Variants in IL12RB1 observed in about 807,000 individuals in gnomAD.
The protein encoded by IL12RB1 is interleukin-12 receptor subunit beta-1.
In IL12RB1, 64 loss-of-function variants were observed where a neutral mutation model predicts 94.4. The ratio of observed to expected loss-of-function variants is 0.68; its 90% CI spans 0.55 to 0.83. The LOEUF (loss-of-function observed/expected upper bound fraction) is 0.83. IL12RB1 is among the 40% of genes least tolerant of loss of function. The probability of loss-of-function intolerance (pLI) is 0.00; values close to 1 mark genes in which losing one functional copy is unlikely to be tolerated. For synonymous variants in IL12RB1, 362 were observed against 355.5 expected (o/e 1.02, Z -0.21); for missense variants, 814 against 855.6 (o/e 0.95, Z 0.61).
chr19:18,062,111 G>A lies in IL12RB1; in HGVS notation c.1715+70C>T, dbSNP rs1009397258. The stretch of plus-strand genomic sequence containing the variant: ...GCCAAGGACCCAATCTGCGGGCTAA[G>A]CTCCACTTTAGGGCTCCCCTGCCCA... On this transcript the variant is annotated intron_variant, in intron 14 of 16. Transcript: ENST00000593993. The A allele has an allele frequency of 2.9e-6, 3 of 1,052,442 alleles. No homozygotes were observed. In the Admixed American group the frequency reaches 5.4e-5, roughly 19 times the overall value. The allele number at this position is 1,052,442 out of a possible 1,614,324, so 65.2% of individuals were successfully genotyped here.
At chr19:18,083,826 T>C (rs1271396356) in intron 1 of IL12RB1, among the ~76,000 whole-genome samples, 2 of 143,710 alleles carry the variant, frequency 1.4e-5, no homozygotes, top group Non-Finnish European at 3.0e-5. Context: ...CATCTACCCA[T>C]CCATCCATCC....
At chr19:18,072,805 G>A (rs192716070) in intron 8 of IL12RB1, among the ~76,000 whole-genome samples, 257 of 151,982 alleles carry the variant, frequency 1.7e-3, no homozygotes, top group African/African-American at 5.9e-3. Flanking sequence ...AAATTAGCCC[G>A]GCATGGTGGT....
rs146221147 is a variant in IL12RB1 at position 18,096,169 on chromosome 19, G to A, written c.-230+2586C>T. ...AGGCAGGAAGATCGCTTGAGCCCGGGAGGTAGAGGCTGCAATGAGACAAGA... is the reference window on the plus strand; with the variant it reads ...AGGCAGGAAGATCGCTTGAGCCCGGAAGGTAGAGGCTGCAATGAGACAAGA... On this transcript the variant is annotated intron_variant, in intron 1 of 4. Transcript: ENST00000594176. Among the ~76,000 whole-genome samples, 480 of 152,210 alleles carry A rather than the reference G, an allele frequency of 3.2e-3. 4 individuals carry two copies. The highest frequency in any genetic ancestry group is 0.018 in the South Asian group (85 of 4,820).
At chr19:18,079,468 C>T (rs1432645173) in intron 4 of IL12RB1, among the ~76,000 whole-genome samples, 1 of 152,028 alleles carries the variant, frequency 6.6e-6, no homozygotes, top group Non-Finnish European at 1.5e-5. Context: ...CTCTACTGTA[C>T]CTTGGAACTC....
intron 9 of IL12RB1, among the ~76,000 whole-genome samples, chr19:18,070,341 T>C (rs1236470677): frequency 2.0e-5 from 3 of 152,246 alleles, no homozygotes; most frequent in Non-Finnish European, 4.4e-5. Context: ...TGTAGGCGTC[T>C]CCGGCTGTGG....
chr19:18,072,796 A>C (rs1305731065), intron 8 of IL12RB1, among the ~76,000 whole-genome samples: 1 of 151,784 alleles, frequency 6.6e-6, no homozygotes, highest in Non-Finnish European at 1.5e-5. Flanking sequence ...AAATACAAAA[A>C]ATTAGCCCGG....
chr19:18,072,301 T>C lies in IL12RB1; in HGVS notation c.832A>G (p.Thr278Ala), dbSNP rs761302373. 26 of 1,613,942 alleles carry C rather than the reference T, an allele frequency of 1.6e-5. No individual in the cohort carries two copies. Among genetic ancestry groups the C allele is most frequent in the Non-Finnish European group, 1.9e-5 (23 of 1,179,990 alleles). ...PEGCQGLAPGTEVTYRLQLHM... is the reference protein window; with the variant it reads ...PEGCQGLAPGAEVTYRLQLHM... The stretch of plus-strand genomic sequence containing the variant: ...AGCTGTAGTCGGTAAGTGACCTCCG[T>C]GCCAGGCGCCAGCCCTTGACAGCCT... Residue 278 changes from threonine (T) to alanine (A), a missense_variant, in exon 9 of 17, where the codon ACG (threonine) becomes GCG (alanine). Physicochemically the swap from Thr to Ala is moderately conservative, Grantham distance 58 (BLOSUM62 0). Coordinates refer to ENST00000593993, the MANE Select transcript of IL12RB1 (RefSeq NM_005535.3).
chr19:18,076,095 C>T (rs1315562565), intron 6 of IL12RB1, among the ~76,000 whole-genome samples: 2 of 152,092 alleles, frequency 1.3e-5, no homozygotes, highest in African/African-American at 4.8e-5. Context: ...TCCCTTCGGT[C>T]GTGACCTTGG....
chr19:18,068,539 G>A lies in IL12RB1; in HGVS notation c.1190-13C>T, dbSNP rs371881148. 229 of 1,610,130 alleles carry A rather than the reference G, an allele frequency of 1.4e-4. 1 individual carries two copies. In the Middle Eastern group the frequency reaches 3.0e-3, roughly 21 times the overall value. Reference sequence around the variant, plus strand: ...CAGCTGTAGGTTGCTGGAAGGATAAGCAAAGGCCAGGCCATTCAGTAGATT... The same window carrying A: ...CAGCTGTAGGTTGCTGGAAGGATAAACAAAGGCCAGGCCATTCAGTAGATT... On this transcript the variant is annotated splice_polypyrimidine_tract_variant and intron_variant, in intron 10 of 16. Coordinates refer to ENST00000593993, the MANE Select transcript of IL12RB1 (RefSeq NM_005535.3).
At chr19:18,065,243 C>T (rs1301615751) in intron 12 of IL12RB1, among the ~76,000 whole-genome samples, 1 of 152,094 alleles carries the variant, frequency 6.6e-6, no homozygotes, top group Non-Finnish European at 1.5e-5. Context: ...TGTGGGCTTT[C>T]CTGTCCCTCA....
chr19:18,066,506 TTCCTCCCC>T, intron 12 of IL12RB1, 28 bp downstream of exon 12: 1 of 1,515,630 alleles, frequency 6.6e-7, no homozygotes, highest in Non-Finnish European at 9.2e-7. Context: ...GGATCCTCCC[TTCCTCCCC>T]AAGCCAGGTC....
rs1455838206 is a variant in IL12RB1 at position 18,080,882 on chromosome 19, C to G, written c.359G>C (p.Arg120Thr). The change falls in exon 4 of 17, where the codon AGG becomes ACG. Residue 120 changes from arginine (R) to threonine (T), a missense_variant. Coordinates refer to ENST00000593993, the MANE Select transcript of IL12RB1 (RefSeq NM_005535.3). ...CTCAGGAGACTTCTCTGTCTGGTTC[C>G]TGGCCCAGGATTCCACCCAGAGTGT... is the stretch of plus-strand genomic sequence containing the variant. ...TVTLWVESWARNQTEKSPEVT... is the reference protein window; with the variant it reads ...TVTLWVESWATNQTEKSPEVT... 6.2e-7 allele frequency: 1 copy of G among 1,613,006 alleles called. No individual in the cohort carries two copies. Among genetic ancestry groups the G allele is most frequent in the Admixed American group, 1.7e-5 (1 of 59,996 alleles).
intron 1 of IL12RB1, among the ~76,000 whole-genome samples, chr19:18,083,923 C>A (rs975303827): frequency 2.0e-5 from 3 of 151,174 alleles, no homozygotes; most frequent in Admixed American, 2.0e-4. Context: ...ATCTATCCAT[C>A]CATCCATCCA....
chr19:18,066,269 G>C (rs955071403), intron 12 of IL12RB1, among the ~76,000 whole-genome samples: 1 of 151,858 alleles, frequency 6.6e-6, no homozygotes, highest in Admixed American at 6.6e-5. Flanking sequence ...CACCATGCCC[G>C]GCTAATTTTG....
chr19:18,061,986 A>G (rs927003299), intron 14 of IL12RB1, among the ~76,000 whole-genome samples, 195 bp downstream of exon 14: 10 of 152,262 alleles, frequency 6.6e-5, no homozygotes, highest in African/African-American at 7.2e-5. Context: ...CCTACAGGGA[A>G]GCCCTGCTCT....
At chr19:18,084,677 C>A (rs77927797) in intron 1 of IL12RB1, among the ~76,000 whole-genome samples, 3,169 of 152,012 alleles carry the variant, frequency 0.021, 52 homozygotes, top group Non-Finnish European at 0.034. Context: ...ATCCATCCAT[C>A]CATCCATCCA....
At chr19:18,078,992 G>A (rs2035680205) in intron 4 of IL12RB1, among the ~76,000 whole-genome samples, 1 of 151,976 alleles carries the variant, frequency 6.6e-6, no homozygotes, top group Admixed American at 6.6e-5. Flanking sequence ...TTTGAGCCCA[G>A]GAGTTCAAGA....
At chr19:18,083,512 T>C (rs778791839) in intron 1 of IL12RB1, 21 bp from the exon 2 acceptor site, 6 of 1,612,800 alleles carry the variant, frequency 3.7e-6, no homozygotes, top group Non-Finnish European at 5.1e-6. Flanking sequence ...AATGAAGACA[T>C]AATGACATTC....
chr19:18,077,064 T>A (rs1318830926), intron 5 of IL12RB1, among the ~76,000 whole-genome samples: 2 of 152,122 alleles, frequency 1.3e-5, no homozygotes, highest in South Asian at 2.1e-4. Context: ...AAATTTATTT[T>A]AAAAAATTTT....
Sources: gnomAD v4.1 joint callset for allele counts (sites outside exome capture counted in the v4.1 genomes callset) on GRCh38, gnomAD v4.1.1 for gene constraint, MANE v1.5 for transcripts, NCBI Gene and HGNC (gene_info 2026-07-23, HGNC 2026-07-21) for gene names.